CCDC57: variants seen among roughly 807,000 people sequenced by gnomAD.
CCDC57 encodes coiled-coil domain containing 57, also known as coiled-coil domain-containing protein 57.
A neutral mutation model predicts 118.9 loss-of-function variants in CCDC57; 118 were observed. The ratio of observed to expected loss-of-function variants is 0.99; its 90% CI spans 0.86 to 1.16. CCDC57 has a LOEUF of 1.16. Ranked by LOEUF, CCDC57 falls within the 50% of genes most tolerant of loss-of-function variation. The pLI is 0.00. For missense variants in CCDC57, 1,300 were observed against 1,320.7 expected (o/e 0.98, Z 0.24); for synonymous variants, 527 against 532.9 (o/e 0.99, Z 0.15).
intron 13 of CCDC57, among the ~76,000 whole-genome samples, chr17:82,163,742 A>G (rs2043636973): frequency 2.0e-5 from 3 of 152,258 alleles, no homozygotes; most frequent in African/African-American, 7.2e-5. Flanking sequence ...ACTATTTTGA[A>G]TGGAAAGATA....
chr17:82,183,629 TTC>T, intron 9 of CCDC57, 143 bp downstream of exon 8: 1 of 799,528 alleles, frequency 1.3e-6, no homozygotes, highest in Non-Finnish European at 1.9e-6. Flanking sequence ...TGACCAGACA[TTC>T]TATCTGTCTT....
intron 19 of CCDC57, among the ~76,000 whole-genome samples, chr17:82,119,203 T>C (rs2036334543): frequency 6.6e-6 from 1 of 151,960 alleles, no homozygotes; most frequent in Non-Finnish European, 1.5e-5. Flanking sequence ...TGGAGAAAAC[T>C]GCTGCCTTTG....
At chr17:82,173,756 G>A (rs936682268) in intron 11 of CCDC57, among the ~76,000 whole-genome samples, 1 of 152,098 alleles carries the variant, frequency 6.6e-6, no homozygotes, top group Non-Finnish European at 1.5e-5. Flanking sequence ...AGGGTCAAAG[G>A]GCAGGCATAG....
chr17:82,134,630 C>T (rs4789750), intron 16 of CCDC57, among the ~76,000 whole-genome samples: 70,905 of 151,682 alleles, frequency 0.47, 17,367 homozygotes, highest in East Asian at 0.88. Context: ...TCCGTCTCTA[C>T]TAAAAATACA....
At position 82,118,721 on chromosome 17, in the gene CCDC57, C is replaced by T. The variant is rs1375281778; in HGVS notation, c.2899+8971G>A. On this transcript the variant is annotated intron_variant, in intron 19 of 19. Transcript: ENST00000665763. The surrounding 1 kb of genome is among the most constrained non-coding windows in gnomAD (Gnocchi z 4.7). The stretch of plus-strand genomic sequence containing the variant: ...GAGAGCTTCCGTCCGCACTGGGTGC[C>T]ACTCAGTCTGCCGCGCTTTTTATGT... 6.6e-6 allele frequency among the ~76,000 whole-genome samples: 1 copy of T among 152,094 alleles called. No individual in the cohort carries two copies. The highest frequency in any genetic ancestry group is 1.5e-5 in the Non-Finnish European group (1 of 68,014).
At chr17:82,102,802 T>C (rs564262175) in intron 19 of CCDC57, among the ~76,000 whole-genome samples, 1 of 152,040 alleles carries the variant, frequency 6.6e-6, no homozygotes, top group Admixed American at 6.5e-5. Flanking sequence ...GCGGAGTCGC[T>C]TGAACCCGGG....
At chr17:82,201,444 G>A (rs1296451126) in intron 3 of CCDC57, 94 bp downstream of exon 2, 32 of 1,389,674 alleles carry the variant, frequency 2.3e-5, no homozygotes, top group Non-Finnish European at 2.9e-5. Context: ...GGGGCAGTGA[G>A]AGTGGGCAGT....
intron 19 of CCDC57, chr17:82,106,216 C>A (rs1369927268): frequency 1.3e-5 from 2 of 152,442 alleles, no homozygotes; most frequent in Admixed American, 1.3e-4. Flanking sequence ...GAAGGGAATT[C>A]AAGGGAAACA....
At chr17:82,175,396 T>C (rs1031689095) in intron 11 of CCDC57, among the ~76,000 whole-genome samples, 8 of 152,156 alleles carry the variant, frequency 5.3e-5, no homozygotes, top group African/African-American at 1.4e-4. Flanking sequence ...GAAAGGAAAA[T>C]ATCACTAAGC....
intron 16 of CCDC57, among the ~76,000 whole-genome samples, chr17:82,149,087 AGATGGATGGATGGGTAGATGG>A (rs2041461939): frequency 2.8e-5 from 1 of 36,176 alleles, no homozygotes; most frequent in Non-Finnish European, 5.0e-5. Context: ...GTGGGTGGGT[AGATGGATGGATGGGTAGATGG>A]GATAAGTGGT....
intron 8 of CCDC57, among the ~76,000 whole-genome samples, chr17:82,185,814 G>A (rs945734416): frequency 3.3e-5 from 5 of 152,040 alleles, no homozygotes; most frequent in Non-Finnish European, 7.4e-5. Context: ...CCAGGAGTTT[G>A]AGACCATCCT....
chr17:82,178,781 C>T (rs1301543051), intron 10 of CCDC57, among the ~76,000 whole-genome samples, 176 bp from the exon 10 acceptor site: 2 of 152,236 alleles, frequency 1.3e-5, no homozygotes, highest in African/African-American at 2.4e-5. Context: ...TGCAGGCCAG[C>T]GGGGATCATG....
Position 82,152,964 on chromosome 17 carries a change from A to G in CCDC57, c.2242-1191T>C, listed in dbSNP as rs558279812. 5.9e-5 allele frequency among the ~76,000 whole-genome samples: 9 copies of G among 152,292 alleles called. No individual in the cohort carries two copies. The South Asian group carries it at 8.3e-4, about 14-fold the overall frequency. ...TTTCCTCTTGGACAGAGAAAGTTCT[A>G]TGGTGCCGCAGGCCCCAGCTGAGGA... is the stretch of plus-strand genomic sequence containing the variant. On this transcript the variant is annotated intron_variant, in intron 15 of 19. Transcript: ENST00000665763.
intron 7 of CCDC57, among the ~76,000 whole-genome samples, 168 bp from the exon 7 acceptor site, chr17:82,188,587 A>G (rs1395799884): frequency 1.3e-5 from 2 of 152,238 alleles, no homozygotes; most frequent in Non-Finnish European, 2.9e-5. Flanking sequence ...CCTCGCAGGT[A>G]AACATGGACC....
chr17:82,138,704 C>CGTGGCCTGCCCCGGGTCGGAAGAGACGT (rs2039621251), intron 16 of CCDC57, among the ~76,000 whole-genome samples: 2 of 149,028 alleles, frequency 1.3e-5, no homozygotes, highest in Admixed American at 6.6e-5. Context: ...GGAAGAGACG[C>CGTGGCCTGCCCCGGGTCGGAAGAGACGT]GTGGCCTGCC....
intron 16 of CCDC57, among the ~76,000 whole-genome samples, chr17:82,144,335 G>T (rs1350164909): frequency 3.3e-5 from 5 of 152,052 alleles, no homozygotes; most frequent in African/African-American, 1.2e-4. Context: ...GTAGAAAAAT[G>T]TCAACATACA....
At chr17:82,196,509 C>T (rs1182790845) in intron 4 of CCDC57, among the ~76,000 whole-genome samples, 1 of 152,194 alleles carries the variant, frequency 6.6e-6, no homozygotes, top group East Asian at 1.9e-4. Flanking sequence ...GCGTGGCCTC[C>T]TTCTCTGCTG....
chr17:82,161,663 CTG>C (rs1452409064), intron 14 of CCDC57, among the ~76,000 whole-genome samples: 7 of 152,168 alleles, frequency 4.6e-5, no homozygotes, highest in African/African-American at 1.4e-4. Context: ...TACCATAGGA[CTG>C]TGTTAATATG....
At chr17:82,143,548 C>T (rs1026225977) in intron 16 of CCDC57, among the ~76,000 whole-genome samples, 10 of 152,066 alleles carry the variant, frequency 6.6e-5, no homozygotes, top group East Asian at 3.9e-4. Flanking sequence ...CGCACACACA[C>T]GTGTCAGGGA....
Sources: allele counts gnomAD v4.1 joint callset (sites outside exome capture counted in the v4.1 genomes callset), GRCh38; gene constraint gnomAD v4.1.1; non-coding constraint Gnocchi (gnomAD v3.1); transcripts MANE v1.5; gene names NCBI Gene and HGNC (gene_info 2026-07-23, HGNC 2026-07-21).